The following DOP1B variants were observed in gnomAD, a reference collection of about 807,000 sequenced individuals.
The protein encoded by DOP1B is DOP1 leucine zipper like protein B.
A neutral mutation model predicts 233.5 loss-of-function variants in DOP1B; 174 were observed. That is an observed-to-expected ratio of 0.75 (90% CI 0.66 to 0.85). DOP1B has a LOEUF of 0.85. Among genes scored for constraint, DOP1B ranks in the 40% least tolerant of loss-of-function variants. DOP1B has a pLI of 0.00. For synonymous variants in DOP1B, 1,190 were observed against 1,185.6 expected (o/e 1.00, Z -0.08); for missense variants, 2,652 against 2,846.6 (o/e 0.93, Z 1.56).
At chr21:36,225,313 T>C (rs578180903) in intron 11 of DOP1B, among the ~76,000 whole-genome samples, 6 of 151,698 alleles carry the variant, frequency 4.0e-5, no homozygotes, top group African/African-American at 1.5e-4. Flanking sequence ...CACTGCAACC[T>C]CTGCCTCCCG....
At position 36,161,373 on chromosome 21, in the gene DOP1B, G is replaced by A. The variant is rs144817564; in HGVS notation, c.-26-3335G>A. Among the ~76,000 whole-genome samples, 1,038 of 152,130 alleles carry A rather than the reference G, an allele frequency of 6.8e-3. 13 individuals are homozygous for A. Among genetic ancestry groups the A allele is most frequent in the African/African-American group, 0.024 (977 of 41,476 alleles). On this transcript the variant is annotated intron_variant, in intron 1 of 36. Transcript: ENST00000691173. ...AGGCTGGTCTCGAACTCCTGACCTC[G>A]TGATCCACCCACCTCGGCCTCCCAA...
At chr21:36,257,296 A>G (rs1159656531) in intron 23 of DOP1B, among the ~76,000 whole-genome samples, 1 of 152,124 alleles carries the variant, frequency 6.6e-6, no homozygotes, top group African/African-American at 2.4e-5. Context: ...ACTTCATTGG[A>G]TGGGTATGAC....
At chr21:36,198,586 G>A (rs892638710) in intron 2 of DOP1B, among the ~76,000 whole-genome samples, 6 of 152,300 alleles carry the variant, frequency 3.9e-5, no homozygotes, top group African/African-American at 7.2e-5. Context: ...ATGCTTTCCC[G>A]CAGACGTGTC....
At chr21:36,290,978 A>G (rs1207862902) in intron 35 of DOP1B, among the ~76,000 whole-genome samples, 1 of 151,490 alleles carries the variant, frequency 6.6e-6, no homozygotes, top group Non-Finnish European at 1.5e-5. Flanking sequence ...TCAAAAAAAA[A>G]AGAGGCCGGG....
chr21:36,197,406 G>T (rs1360574680), intron 2 of DOP1B, among the ~76,000 whole-genome samples: 1 of 152,152 alleles, frequency 6.6e-6, no homozygotes. Flanking sequence ...AGTTGTCATG[G>T]CCCTGTGGTC....
At chr21:36,213,175 A>G (rs1050039605) in intron 7 of DOP1B, among the ~76,000 whole-genome samples, 1 of 152,214 alleles carries the variant, frequency 6.6e-6, no homozygotes, top group African/African-American at 2.4e-5. Context: ...AAGTCATTGC[A>G]TGGAAGCTTA....
At chr21:36,178,734 A>G (rs1291147868) in intron 2 of DOP1B, among the ~76,000 whole-genome samples, 1 of 152,274 alleles carries the variant, frequency 6.6e-6, no homozygotes, top group African/African-American at 2.4e-5. Flanking sequence ...TCAAGCTTGT[A>G]TTTGAGTCAC....
chr21:36,225,745 C>A, intron 12 of DOP1B, 78 bp downstream of exon 12: 2 of 1,381,680 alleles, frequency 1.4e-6, no homozygotes, highest in Non-Finnish European at 2.0e-6. Context: ...GCTTTATCAA[C>A]CTCACATTAC....
Position 36,245,775 on chromosome 21 carries a change from T to C in DOP1B, c.3795T>C (p.Thr1265=), listed in dbSNP as rs2123591848. 6.2e-7 allele frequency: 1 copy of C among 1,613,938 alleles called. No homozygotes were observed. Among genetic ancestry groups the C allele is most frequent in the Non-Finnish European group, 8.5e-7 (1 of 1,179,980 alleles). ...AATTCATCGAGGCTGTGTCCAGGAC[T>C]AGCATGGATACCAGCTCCACCGCGC... ...PKEFIEAVSR[T]SMDTSSTAHL... The change falls in exon 19 of 37, where the codon ACT becomes ACC. Residue 1265 remains threonine, a synonymous_variant. Coordinates refer to ENST00000691173, the MANE Select transcript of DOP1B (RefSeq NM_001320714.2). This position sits in a 1 kb window ranked among gnomAD's most constrained non-coding sequence, Gnocchi z 5.5.
At chr21:36,205,437 G>A (rs563387767) in intron 4 of DOP1B, among the ~76,000 whole-genome samples, 1 of 152,166 alleles carries the variant, frequency 6.6e-6, no homozygotes, top group Admixed American at 6.5e-5. Context: ...TGCCCAGGCT[G>A]GAGTGCAGCG....
At chr21:36,276,139 G>A (rs984040824) in intron 27 of DOP1B, among the ~76,000 whole-genome samples, 4 of 152,100 alleles carry the variant, frequency 2.6e-5, no homozygotes, top group East Asian at 1.9e-4. Context: ...CAAAGGGGTC[G>A]TGCAGTTTCA....
intron 23 of DOP1B, among the ~76,000 whole-genome samples, chr21:36,257,829 G>GTAGATGTAGT: frequency 6.7e-6 from 1 of 149,540 alleles, no homozygotes; most frequent in Non-Finnish European, 1.5e-5. Context: ...ATGTAGGTAG[G>GTAGATGTAGT]TAGGTAGATG....
At chr21:36,162,864 CAGT>C (rs2065880543) in intron 1 of DOP1B, among the ~76,000 whole-genome samples, 1 of 151,918 alleles carries the variant, frequency 6.6e-6, no homozygotes, top group Non-Finnish European at 1.5e-5. Flanking sequence ...ATGTATTTAG[CAGT>C]TGGTAGAGGA....
chr21:36,208,414 G>T (rs553722242), intron 4 of DOP1B, among the ~76,000 whole-genome samples: 1 of 152,174 alleles, frequency 6.6e-6, no homozygotes, highest in Non-Finnish European at 1.5e-5. Flanking sequence ...TCCGTGGCAC[G>T]GCCAGGGTGG....
At chr21:36,195,218 G>A (rs902277060) in intron 2 of DOP1B, among the ~76,000 whole-genome samples, 4 of 151,964 alleles carry the variant, frequency 2.6e-5, no homozygotes, top group Non-Finnish European at 4.4e-5. Flanking sequence ...GCACATGCCT[G>A]TAATCCCAGC....
intron 12 of DOP1B, among the ~76,000 whole-genome samples, chr21:36,225,868 A>G (rs572489392): frequency 6.6e-6 from 1 of 152,316 alleles, no homozygotes; most frequent in East Asian, 1.9e-4. Context: ...AGGGGCTATA[A>G]CTTTTGGGCC....
Position 36,237,380 on chromosome 21 carries a change from ACAT to A in DOP1B, c.2746_2748del (p.Ile916del), listed in dbSNP as rs1334650965. On this transcript the variant is annotated inframe_deletion, in exon 16 of 37. Transcript: ENST00000691173. The stretch of plus-strand genomic sequence containing the variant: ...GCCCCTACGGCCAACATCTGCGAGG[ACAT>A]CATCTGCCATGCCCTCCTGGACCCT... 6.2e-7 allele frequency: 1 copy of A among 1,614,028 alleles called. No homozygotes were observed. The highest frequency in any genetic ancestry group is 8.5e-7 in the Non-Finnish European group (1 of 1,180,036).
intron 2 of DOP1B, among the ~76,000 whole-genome samples, chr21:36,174,540 T>C (rs1259024046): frequency 6.6e-6 from 1 of 152,182 alleles, no homozygotes; most frequent in Non-Finnish European, 1.5e-5. Context: ...ATCCTTCTTC[T>C]TTTTTTGAGG....
chr21:36,186,381 G>A (rs990420349), intron 2 of DOP1B, among the ~76,000 whole-genome samples: 1 of 151,976 alleles, frequency 6.6e-6, no homozygotes, highest in African/African-American at 2.4e-5. Flanking sequence ...TATGTGTGGA[G>A]TGTGTGCATG....
Sources: allele counts gnomAD v4.1 joint callset (sites outside exome capture counted in the v4.1 genomes callset), GRCh38; gene constraint gnomAD v4.1.1; non-coding constraint Gnocchi (gnomAD v3.1); transcripts MANE v1.5; gene names NCBI Gene and HGNC (gene_info 2026-07-23, HGNC 2026-07-21).